RAB3B: variants seen among roughly 807,000 people sequenced by gnomAD.
RAB3B encodes the protein ras-related protein Rab-3B.
In RAB3B, 11 loss-of-function variants were observed where a neutral mutation model predicts 20.5. The observed-to-expected ratio is 0.54, with a 90% CI of 0.34 to 0.89. The LOEUF (loss-of-function observed/expected upper bound fraction) is 0.89. Among genes scored for constraint, RAB3B ranks in the 40% least tolerant of loss-of-function variants. The pLI is 0.02. For missense variants in RAB3B, 225 were observed against 280.9 expected (o/e 0.80, Z 1.42); for synonymous variants, 99 against 106.3 (o/e 0.93, Z 0.42).
chr1:51,926,234 C>T (rs978963379), intron 4 of RAB3B, among the ~76,000 whole-genome samples: 3 of 152,140 alleles, frequency 2.0e-5, no homozygotes, highest in African/African-American at 7.2e-5. Flanking sequence ...ATTTTGTTTC[C>T]CTAGTCAGTG....
intron 2 of RAB3B, among the ~76,000 whole-genome samples, chr1:51,941,322 A>C (rs1684490783): frequency 6.6e-6 from 1 of 152,164 alleles, no homozygotes; most frequent in African/African-American, 2.4e-5. Context: ...TTTAAGATCA[A>C]AGATTTTGAG....
At chr1:51,978,428 T>C (rs868594561) in intron 1 of RAB3B, among the ~76,000 whole-genome samples, 6 of 152,210 alleles carry the variant, frequency 3.9e-5, no homozygotes, top group Non-Finnish European at 5.9e-5. Context: ...TATGTCCTTA[T>C]TATTCCAAAG....
At chr1:51,938,434 A>G (rs916529765) in intron 2 of RAB3B, among the ~76,000 whole-genome samples, 1 of 152,196 alleles carries the variant, frequency 6.6e-6, no homozygotes, top group African/African-American at 2.4e-5. Flanking sequence ...TTATCTAGAC[A>G]GTGAAAACAT....
intron 2 of RAB3B, among the ~76,000 whole-genome samples, chr1:51,969,723 T>A (rs1279163859): frequency 6.6e-6 from 1 of 152,166 alleles, no homozygotes; most frequent in Non-Finnish European, 1.5e-5. Context: ...CCCTAGAACC[T>A]TAATAAAAAC....
intron 2 of RAB3B, among the ~76,000 whole-genome samples, chr1:51,971,653 C>G (rs1035625119): frequency 6.6e-6 from 1 of 151,884 alleles, no homozygotes; most frequent in Non-Finnish European, 1.5e-5. Flanking sequence ...AGGCTAGTCT[C>G]GAACTCCTGA....
chr1:51,912,542 T>TA lies in RAB3B; in HGVS notation c.*7384dup, dbSNP rs61590258. ...GGCAACATAGCAAGACCGTCTCTAT[T>TA]AAAAAAAAAAAAATATATATATATA... On this transcript the variant is annotated 3_prime_UTR_variant, in exon 5 of 5. Transcript: ENST00000371655. 100 of 6,388 alleles carry TA rather than the reference T, an allele frequency of 0.016. 12 individuals carry two copies. Among genetic ancestry groups the TA allele is most frequent in the African/African-American group, 0.038 (48 of 1,256 alleles). The allele number at this position is 6,388 out of a possible 1,614,324, so 0.4% of individuals were successfully genotyped here.
rs1446206589 is a variant in RAB3B at position 51,916,625 on chromosome 1, T to C, written c.*3302A>G. 1 of 152,234 alleles carries C rather than the reference T, an allele frequency of 6.6e-6. No homozygotes were observed. Among genetic ancestry groups the C allele is most frequent in the African/African-American group, 2.4e-5 (1 of 41,454 alleles). The allele number at this position is 152,234 out of a possible 1,614,324, so 9.4% of individuals were successfully genotyped here. On this transcript the variant is annotated 3_prime_UTR_variant, in exon 5 of 5. Transcript: ENST00000371655. The stretch of plus-strand genomic sequence containing the variant: ...TCACAAATGCCCCATTGCTGGAGCA[T>C]AGAGGCTGTTCAAAGTGGAGCATGG...
chr1:51,925,361 G>A (rs1684230449), intron 4 of RAB3B, among the ~76,000 whole-genome samples: 1 of 152,098 alleles, frequency 6.6e-6, no homozygotes, highest in Non-Finnish European at 1.5e-5. Flanking sequence ...CAATCCATCC[G>A]GCACCTTGGA....
intron 2 of RAB3B, among the ~76,000 whole-genome samples, chr1:51,938,949 C>T (rs937997836): frequency 1.3e-5 from 2 of 152,242 alleles, no homozygotes; most frequent in Non-Finnish European, 2.9e-5. Flanking sequence ...GTGTGAACCA[C>T]TGTGCCCAGA....
intron 2 of RAB3B, among the ~76,000 whole-genome samples, chr1:51,938,843 T>A (rs1404548884): frequency 6.6e-6 from 1 of 152,040 alleles, no homozygotes; most frequent in Non-Finnish European, 1.5e-5. Flanking sequence ...GTATTTTTAG[T>A]ACAGATGACG....
chr1:51,974,107 C>T (rs1204179288), intron 2 of RAB3B, among the ~76,000 whole-genome samples: 5 of 152,178 alleles, frequency 3.3e-5, no homozygotes, highest in African/African-American at 1.2e-4. Flanking sequence ...GCAAATTTCT[C>T]TCAGCACCCA....
intron 2 of RAB3B, among the ~76,000 whole-genome samples, chr1:51,958,288 T>A (rs1205161699): frequency 6.6e-6 from 1 of 152,154 alleles, no homozygotes; most frequent in Non-Finnish European, 1.5e-5. Flanking sequence ...AGTACAACCC[T>A]TTACCCTCTG....
At chr1:51,938,170 A>T (rs1684438037) in intron 2 of RAB3B, among the ~76,000 whole-genome samples, 1 of 151,654 alleles carries the variant, frequency 6.6e-6, no homozygotes, top group Non-Finnish European at 1.5e-5. Flanking sequence ...CCAGCCCCTT[A>T]TTTTTAATAA....
chr1:51,925,199 C>A (rs1224077260), intron 4 of RAB3B, among the ~76,000 whole-genome samples: 1 of 152,210 alleles, frequency 6.6e-6, no homozygotes, highest in Non-Finnish European at 1.5e-5. Context: ...GATCCCTTCT[C>A]CATCCTGCTC....
rs956853169 is a variant in RAB3B, at chr1:51,913,782, A to G, written c.*6145T>C. The G allele has an allele frequency of 1.3e-5, 2 of 152,124 alleles. No individual in the cohort carries two copies. The highest frequency in any genetic ancestry group is 4.8e-5 in the African/African-American group (2 of 41,416). 9.4% of individuals were successfully genotyped at this position (152,124 alleles called of 1,614,324 possible). On this transcript the variant is annotated 3_prime_UTR_variant, in exon 5 of 5. Coordinates refer to ENST00000371655, the MANE Select transcript of RAB3B (RefSeq NM_002867.4). ...CCACTGAGCCAAGCCCTATTTCTCC[A>G]TTTCTTAAAACTGGACTTGGCCATG...
chr1:51,915,456 T>C lies in RAB3B; in HGVS notation c.*4471A>G, dbSNP rs995297921. 1 of 152,184 alleles carries C rather than the reference T, an allele frequency of 6.6e-6. No individual in the cohort carries two copies. Among genetic ancestry groups the C allele is most frequent in the African/African-American group, 2.4e-5 (1 of 41,446 alleles). The allele number at this position is 152,184 out of a possible 1,614,324, so 9.4% of individuals were successfully genotyped here. A position where few individuals can be genotyped will look rare whatever the true frequency, so the allele number is the denominator to read the frequency against. ...ATAGGAGCCTGGAACAGATCTTCTC[T>C]AAGCTCCTTTCCAGATCTGATAATC... On this transcript the variant is annotated 3_prime_UTR_variant, in exon 5 of 5. Transcript: ENST00000371655.
chr1:51,973,229 A>G (rs535189904), intron 2 of RAB3B, among the ~76,000 whole-genome samples: 25 of 152,320 alleles, frequency 1.6e-4, no homozygotes, highest in African/African-American at 5.5e-4. Flanking sequence ...CTATATGTCT[A>G]CTTCTATACA....
rs1396427627 is a variant in RAB3B, at chr1:51,933,385, G to T, written c.405C>A (p.Asn135Lys). The T allele has an allele frequency of 6.2e-7, 1 of 1,613,812 alleles. No homozygotes were observed. Among genetic ancestry groups the T allele is most frequent in the South Asian group, 1.1e-5 (1 of 91,076 alleles). ...WDNAQVILVG[N>K]KCDMEEERVV... Reference sequence around the variant, plus strand: ...CCCTCTCTTCCTCCATGTCACACTTGTTCCCCACCAGAATAACTTGTGCAT... The same window carrying T: ...CCCTCTCTTCCTCCATGTCACACTTTTTCCCCACCAGAATAACTTGTGCAT... The change falls in exon 4 of 5, where the codon AAC becomes AAA. Residue 135 changes from asparagine (N) to lysine (K), a missense_variant. Asn to Lys is a moderately conservative substitution (Grantham distance 94, BLOSUM62 0). Transcript: ENST00000371655.
rs1014723999 is a variant in RAB3B at position 51,914,321 on chromosome 1, T to C, written c.*5606A>G. The C allele has an allele frequency of 6.6e-6, 1 of 152,148 alleles. No homozygotes were observed. The highest frequency in any genetic ancestry group is 6.5e-5 in the Admixed American group (1 of 15,272). The allele number at this position is 152,148 out of a possible 1,614,324, so 9.4% of individuals were successfully genotyped here. On this transcript the variant is annotated 3_prime_UTR_variant, in exon 5 of 5. Coordinates refer to ENST00000371655, the MANE Select transcript of RAB3B (RefSeq NM_002867.4). Reference sequence around the variant, plus strand: ...AATGGCCAGTGGGTAGCAGAGATATTTGGGAGCAGTAGACTCTTCCAAGAG... The same window carrying C: ...AATGGCCAGTGGGTAGCAGAGATATCTGGGAGCAGTAGACTCTTCCAAGAG...
Sources: gnomAD v4.1 joint callset for allele counts (sites outside exome capture counted in the v4.1 genomes callset) on GRCh38, gnomAD v4.1.1 for gene constraint, MANE v1.5 for transcripts, NCBI Gene and HGNC (gene_info 2026-07-23, HGNC 2026-07-21) for gene names.